Variants in PTPRG observed in about 807,000 individuals in gnomAD.
PTPRG encodes the protein receptor-type tyrosine-protein phosphatase gamma.
Under a neutral mutation model 165.3 loss-of-function variants are expected in PTPRG, and 102 were observed. The observed-to-expected ratio is 0.62, with a 90% CI of 0.53 to 0.73. The LOEUF (loss-of-function observed/expected upper bound fraction) is 0.73, where lower values mean the gene tolerates loss of function less well. Among genes scored for constraint, PTPRG ranks in the 30% least tolerant of loss-of-function variants. The pLI, the probability that PTPRG is intolerant of heterozygous loss-of-function variation, is 0.00. For missense variants in PTPRG, 1,866 were observed against 1,861.4 expected (o/e 1.00, Z -0.05); for synonymous variants, 675 against 669.5 (o/e 1.01, Z -0.13).
At chr3:61,817,802 C>G (rs1043099325) in intron 2 of PTPRG, among the ~76,000 whole-genome samples, 1 of 152,148 alleles carries the variant, frequency 6.6e-6, no homozygotes, top group African/African-American at 2.4e-5. Context: ...TGGATGAGTG[C>G]AAGGAGACTG....
At chr3:61,810,965 G>A (rs963538628) in intron 2 of PTPRG, among the ~76,000 whole-genome samples, 2 of 152,174 alleles carry the variant, frequency 1.3e-5, no homozygotes, top group Admixed American at 6.5e-5. Context: ...GTGTTGGGGA[G>A]TGCAAGGCTG....
At chr3:61,891,225 A>G (rs2038205729) in intron 2 of PTPRG, among the ~76,000 whole-genome samples, 1 of 152,098 alleles carries the variant, frequency 6.6e-6, no homozygotes, top group Non-Finnish European at 1.5e-5. Context: ...GGCTGAGGCA[A>G]GAGAATCACT....
At chr3:61,911,383 T>G (rs1190743784) in intron 2 of PTPRG, among the ~76,000 whole-genome samples, 1 of 152,190 alleles carries the variant, frequency 6.6e-6, no homozygotes, top group Non-Finnish European at 1.5e-5. Flanking sequence ...AAATGCTAAT[T>G]CCATCACTTT....
At chr3:61,921,827 G>GT (rs1053387686) in intron 2 of PTPRG, among the ~76,000 whole-genome samples, 8 of 151,742 alleles carry the variant, frequency 5.3e-5, no homozygotes, top group East Asian at 1.9e-4. Flanking sequence ...TTAGGAAATT[G>GT]TTTTTTTTCT....
At chr3:62,182,249 G>A (rs1008792096) in intron 8 of PTPRG, among the ~76,000 whole-genome samples, 4 of 152,104 alleles carry the variant, frequency 2.6e-5, no homozygotes, top group Non-Finnish European at 5.9e-5. Flanking sequence ...CATGCAGTTC[G>A]AACCTGTGTT....
chr3:61,758,822 A>G (rs2033730109), intron 2 of PTPRG, among the ~76,000 whole-genome samples: 1 of 152,086 alleles, frequency 6.6e-6, no homozygotes, highest in Admixed American at 6.6e-5. Flanking sequence ...AGTAAGAAGA[A>G]CGTAAGGAGG....
chr3:62,276,109 C>G (rs1702226345), intron 24 of PTPRG, 143 bp downstream of exon 24: 1 of 514,760 alleles, frequency 1.9e-6, no homozygotes, highest in Admixed American at 4.0e-5. Flanking sequence ...TGAAAATGTC[C>G]TTTTAGTAAC....
At chr3:61,701,320 C>T (rs563029658) in intron 1 of PTPRG, among the ~76,000 whole-genome samples, 1 of 152,138 alleles carries the variant, frequency 6.6e-6, no homozygotes, top group Non-Finnish European at 1.5e-5. Context: ...TCTGACAACT[C>T]CTCAATATCA....
intron 2 of PTPRG, among the ~76,000 whole-genome samples, chr3:61,834,670 G>A (rs912157840): frequency 6.6e-6 from 1 of 152,094 alleles, no homozygotes; most frequent in African/African-American, 2.4e-5. Context: ...AAAATTAGCT[G>A]GGCATGGTGG....
Position 61,743,001 on chromosome 3 carries a change from G to T in PTPRG, c.86-5877G>T. On this transcript the variant is annotated intron_variant, in intron 1 of 29. Coordinates refer to ENST00000474889, the MANE Select transcript of PTPRG (RefSeq NM_002841.4). ...TCTGGGGGTCATAGTTCTTCAAGCT[G>T]ATCTGCAACTCCACCGTCTCCAGGA... 9.7e-6 allele frequency: 15 copies of T among 1,546,670 alleles called. No individual in the cohort carries two copies. In the South Asian group the frequency reaches 1.7e-4, roughly 17 times the overall value.
At chr3:61,610,507 T>A (rs1701134250) in intron 1 of PTPRG, among the ~76,000 whole-genome samples, 1 of 152,194 alleles carries the variant, frequency 6.6e-6, no homozygotes, top group Non-Finnish European at 1.5e-5. Context: ...TAGCCAGCAG[T>A]CTTCGTAGCA....
At chr3:61,672,750 GA>G (rs1197902076) in intron 1 of PTPRG, among the ~76,000 whole-genome samples, 20 of 145,634 alleles carry the variant, frequency 1.4e-4, no homozygotes, top group African/African-American at 4.4e-4. Context: ...GGGAGAGGGA[GA>G]GGGAGAGGGA....
chr3:62,150,926 T>C (rs1252735636), intron 6 of PTPRG, among the ~76,000 whole-genome samples: 1 of 152,220 alleles, frequency 6.6e-6, no homozygotes, highest in East Asian at 1.9e-4. Context: ...ACAGGTCTCT[T>C]CTATACATTG....
At chr3:61,996,285 A>T (rs556165066) in intron 3 of PTPRG, among the ~76,000 whole-genome samples, 4 of 152,282 alleles carry the variant, frequency 2.6e-5, no homozygotes, top group Admixed American at 2.6e-4. Context: ...GGAGGGTTTC[A>T]AACTCACCTG....
rs564761041 is a variant in PTPRG at position 62,166,197 on chromosome 3, C to CTTTTTTTTTTTTTT, written c.841-1751_841-1738dup. ...TGGCTGCATATTTCAAATTACAGTT[C>CTTTTTTTTTTTTTT]TTTTTTTTTTTTTTTTTTTTTTTTT... On this transcript the variant is annotated intron_variant, in intron 7 of 29. Coordinates refer to ENST00000474889, the MANE Select transcript of PTPRG (RefSeq NM_002841.4). Among the ~76,000 whole-genome samples the CTTTTTTTTTTTTTT allele has an allele frequency of 2.2e-4, 12 of 53,932 alleles. 1 individual carries two copies. The highest frequency in any genetic ancestry group is 4.5e-4 in the African/African-American group (6 of 13,382). The allele number at this position is 53,932 out of a possible 152,430, so 35.4% of individuals were successfully genotyped here. A position where few individuals can be genotyped will look rare whatever the true frequency, so the allele number is the denominator to read the frequency against.
intron 2 of PTPRG, among the ~76,000 whole-genome samples, chr3:61,922,438 G>GAGCATGT (rs1206882068): frequency 6.6e-6 from 1 of 152,210 alleles, no homozygotes; most frequent in African/African-American, 2.4e-5. Context: ...GGAGTGACAG[G>GAGCATGT]AGCATGTAGG....
chr3:62,026,751 T>C (rs1455832117), intron 4 of PTPRG, among the ~76,000 whole-genome samples: 3 of 151,846 alleles, frequency 2.0e-5, no homozygotes, highest in Admixed American at 6.6e-5. Context: ...CCAGGCGTGG[T>C]GGCACGTGCC....
intron 5 of PTPRG, among the ~76,000 whole-genome samples, chr3:62,082,857 C>T (rs1701626956): frequency 6.6e-6 from 1 of 152,160 alleles, no homozygotes; most frequent in South Asian, 2.1e-4. Context: ...CCTTCGTAGC[C>T]ACTGGTTAAG....
intron 2 of PTPRG, among the ~76,000 whole-genome samples, chr3:61,840,763 G>A (rs2046293732): frequency 7.4e-6 from 1 of 135,338 alleles, no homozygotes; most frequent in African/African-American, 2.9e-5. Flanking sequence ...ATTTCAGATG[G>A]AGTTTTTTTT....
Sources: allele counts gnomAD v4.1 joint callset (sites outside exome capture counted in the v4.1 genomes callset), GRCh38; gene constraint gnomAD v4.1.1; transcripts MANE v1.5; gene names NCBI Gene and HGNC (gene_info 2026-07-23, HGNC 2026-07-21).